The following LRP1B variants were observed in gnomAD, a reference collection of about 807,000 sequenced individuals.
LRP1B encodes the protein low-density lipoprotein receptor-related protein 1B.
LRP1B carries 217 observed loss-of-function variants against 556.6 expected under a neutral mutation model. The ratio of observed to expected loss-of-function variants is 0.39; its 90% CI spans 0.35 to 0.44. The LOEUF (loss-of-function observed/expected upper bound fraction) is 0.44. LRP1B is among the 20% of genes least tolerant of loss of function. The probability of loss-of-function intolerance (pLI) is 1.00; values close to 1 mark genes in which losing one functional copy is unlikely to be tolerated. For missense variants in LRP1B, 5,053 were observed against 5,620.8 expected, an observed-to-expected ratio of 0.90 and a Z score of 3.23; for synonymous variants, 2,047 against 1,865.8, an observed-to-expected ratio of 1.10 and a Z score of -2.50.
intron 35 of LRP1B, among the ~76,000 whole-genome samples, chr2:140,759,814 A>G (rs990758263): frequency 6.6e-6 from 1 of 152,208 alleles, no homozygotes; most frequent in Non-Finnish European, 1.5e-5. Context: ...ATATACACGA[A>G]GGTGTGTATG....
At chr2:141,123,185 T>C (rs1325002831) in intron 7 of LRP1B, among the ~76,000 whole-genome samples, 2 of 149,818 alleles carry the variant, frequency 1.3e-5, no homozygotes, top group Non-Finnish European at 2.9e-5. Context: ...GGCATACGTA[T>C]ACATATGTAA....
chr2:141,022,324 A>C (rs529868215), intron 11 of LRP1B, among the ~76,000 whole-genome samples: 1 of 151,922 alleles, frequency 6.6e-6, no homozygotes. Context: ...ATGATAATGA[A>C]TAAAAATTTA....
intron 56 of LRP1B, among the ~76,000 whole-genome samples, chr2:140,493,656 AC>A (rs1192926090): frequency 6.6e-6 from 1 of 152,114 alleles, no homozygotes; most frequent in African/African-American, 2.4e-5. Context: ...AGAAAAAAAA[AC>A]ACTAAAAAAG....
intron 2 of LRP1B, among the ~76,000 whole-genome samples, chr2:141,787,397 C>T (rs1695460637): frequency 6.6e-6 from 1 of 151,838 alleles, no homozygotes. Flanking sequence ...CAATAGAATA[C>T]AATTCATCAA....
intron 16 of LRP1B, among the ~76,000 whole-genome samples, chr2:140,991,337 T>C (rs936098963): frequency 2.6e-5 from 4 of 152,138 alleles, no homozygotes; most frequent in Admixed American, 1.3e-4. Context: ...AATAACAAAA[T>C]TCAAGGTTGC....
chr2:140,499,568 CA>C (rs1689092945), intron 55 of LRP1B, among the ~76,000 whole-genome samples: 1 of 151,758 alleles, frequency 6.6e-6, no homozygotes, highest in African/African-American at 2.4e-5. Context: ...CTATATGGTA[CA>C]GGCCATCATG....
At chr2:141,609,180 G>T (rs1688020673) in intron 2 of LRP1B, among the ~76,000 whole-genome samples, 1 of 152,002 alleles carries the variant, frequency 6.6e-6, no homozygotes, top group African/African-American at 2.4e-5. Context: ...TAATTTTTAT[G>T]GTATAAATAT....
chr2:140,678,550 A>G (rs1685750728), intron 41 of LRP1B, among the ~76,000 whole-genome samples: 1 of 152,214 alleles, frequency 6.6e-6, no homozygotes, highest in Admixed American at 6.5e-5. Context: ...GATGTATTCT[A>G]CATATAACTT....
intron 21 of LRP1B, among the ~76,000 whole-genome samples, chr2:140,917,462 G>C (rs1340388368): frequency 6.6e-6 from 1 of 151,988 alleles, no homozygotes; most frequent in Non-Finnish European, 1.5e-5. Flanking sequence ...TCCTTCAGTG[G>C]GTAAACAGAT....
chr2:141,851,002 C>T (rs1434174062), intron 1 of LRP1B, among the ~76,000 whole-genome samples: 2 of 151,644 alleles, frequency 1.3e-5, no homozygotes, highest in African/African-American at 2.4e-5. Flanking sequence ...ATTAACCGCT[C>T]ACAATAAAAT....
chr2:140,514,776 G>A lies in LRP1B; in HGVS notation c.8150-4C>T, dbSNP rs376895393. 4.4e-6 allele frequency: 7 copies of A among 1,601,102 alleles called. No homozygotes were observed. In the African/African-American group the frequency reaches 9.5e-5, roughly 22 times the overall value. On this transcript the variant is annotated splice_polypyrimidine_tract_variant and splice_region_variant and intron_variant, in intron 50 of 90. Transcript: ENST00000389484. ...TGGTTCCAAGAGCAAGAAGAATCTA[G>A]GAAACAAACAAAAGGAAAAAAAAAA...
intron 84 of LRP1B, among the ~76,000 whole-genome samples, chr2:140,287,753 A>T (rs1683208108): frequency 6.6e-6 from 1 of 151,420 alleles, no homozygotes; most frequent in Admixed American, 6.6e-5. Context: ...CTTAAGGTGT[A>T]TCTGATTCTG....
chr2:141,562,781 A>C (rs1686207725), intron 2 of LRP1B, among the ~76,000 whole-genome samples: 1 of 152,048 alleles, frequency 6.6e-6, no homozygotes, highest in Non-Finnish European at 1.5e-5. Flanking sequence ...AGTACCTTGA[A>C]TACAGGGCAA....
At chr2:141,929,733 G>A (rs11902882) in intron 1 of LRP1B, among the ~76,000 whole-genome samples, 11,730 of 151,694 alleles carry the variant, frequency 0.077, 1,505 homozygotes, top group African/African-American at 0.27. Flanking sequence ...AGGACAGAAC[G>A]TATGCAATTA....
At chr2:140,844,178 C>T (rs1346323804) in intron 29 of LRP1B, among the ~76,000 whole-genome samples, 1 of 152,022 alleles carries the variant, frequency 6.6e-6, no homozygotes, top group Non-Finnish European at 1.5e-5. Context: ...TCTCCTGCCT[C>T]AGCCTCCCGA....
intron 18 of LRP1B, among the ~76,000 whole-genome samples, chr2:140,976,161 C>T (rs767044276): frequency 2.8e-4 from 43 of 152,110 alleles, no homozygotes; most frequent in Non-Finnish European, 5.7e-4. Context: ...CTCAAGTGAT[C>T]CACCTACATC....
intron 63 of LRP1B, among the ~76,000 whole-genome samples, chr2:140,444,977 T>C (rs1265696547): frequency 6.6e-6 from 1 of 152,194 alleles, no homozygotes; most frequent in African/African-American, 2.4e-5. Context: ...AATGAAATGA[T>C]ATTGAGAGGT....
In LRP1B at chr2:140,291,321, T is replaced by TTTTTTTTTTA. The variant is rs1553440694; in HGVS notation, c.12967+6486_12967+6487insTAAAAAAAAA. 1.8e-3 allele frequency among the ~76,000 whole-genome samples: 240 copies of TTTTTTTTTTA among 132,006 alleles called. 2 individuals carry two copies. The highest frequency in any genetic ancestry group is 5.1e-3 in the African/African-American group (200 of 39,412). 86.6% of individuals were successfully genotyped at this position (132,006 alleles called of 152,430 possible). A position where few individuals can be genotyped will look rare whatever the true frequency, so the allele number is the denominator to read the frequency against. On this transcript the variant is annotated intron_variant, in intron 84 of 90. Coordinates refer to ENST00000389484, the MANE Select transcript of LRP1B (RefSeq NM_018557.3). ...TTTTATATATATATATATATATATT[T>TTTTTTTTTTA]TTATTATACTTTAAGTTCTAGGGTA...
intron 2 of LRP1B, among the ~76,000 whole-genome samples, chr2:141,706,654 A>T (rs977430367): frequency 6.6e-6 from 1 of 152,116 alleles, no homozygotes; most frequent in African/African-American, 2.4e-5. Flanking sequence ...ATTCAAAGGC[A>T]GAAAGCAATG....
Sources: gnomAD v4.1 joint callset for allele counts (sites outside exome capture counted in the v4.1 genomes callset) on GRCh38, gnomAD v4.1.1 for gene constraint, MANE v1.5 for transcripts, NCBI Gene and HGNC (gene_info 2026-07-23, HGNC 2026-07-21) for gene names.